PPM1A: variants seen among roughly 807,000 people sequenced by gnomAD.
PPM1A encodes the protein protein phosphatase 1A.
PPM1A carries 7 observed loss-of-function variants against 35.0 expected under a neutral mutation model. The observed-to-expected ratio is 0.20, with a 90% CI of 0.11 to 0.38. PPM1A has a LOEUF of 0.38. Among genes scored for constraint, PPM1A ranks in the 10% least tolerant of loss-of-function variants. The pLI is 1.00. For synonymous variants in PPM1A, 153 were observed against 167.3 expected, an observed-to-expected ratio of 0.91 and a Z score of 0.66; for missense variants, 239 against 467.8, an observed-to-expected ratio of 0.51 and a Z score of 4.51.
intron 1 of PPM1A, chr14:60,268,445 G>A (rs1884651941): frequency 1.1e-6 from 1 of 950,034 alleles, no homozygotes; most frequent in African/African-American, 1.8e-5. Context: ...GGTGAGTATA[G>A]CCTGTTTGGC....
chr14:60,286,010 T>A, intron 3 of PPM1A: 2 of 1,077,234 alleles, frequency 1.9e-6, no homozygotes, highest in Non-Finnish European at 2.3e-6. Context: ...TTGTGTGCTT[T>A]AAAATTCTTA....
intron 1 of PPM1A, among the ~76,000 whole-genome samples, chr14:60,250,744 G>C (rs920013271): frequency 2.0e-5 from 3 of 152,202 alleles, no homozygotes. Flanking sequence ...TTTCAAACTT[G>C]CACGTTGGGG....
intron 1 of PPM1A, among the ~76,000 whole-genome samples, chr14:60,254,936 C>A (rs896953832): frequency 3.3e-5 from 5 of 152,270 alleles, no homozygotes; most frequent in Non-Finnish European, 7.3e-5. Context: ...CAAACTAGTA[C>A]ACTTGCTATC....
At chr14:60,288,375 A>T in intron 3 of PPM1A, 1 of 982,328 alleles carries the variant, frequency 1.0e-6, no homozygotes, top group Non-Finnish European at 1.2e-6. Flanking sequence ...TATCCAAATA[A>T]TTGTATTGGC....
intron 1 of PPM1A, among the ~76,000 whole-genome samples, chr14:60,262,958 G>T (rs2139391225): frequency 6.6e-6 from 1 of 152,276 alleles, no homozygotes; most frequent in Non-Finnish European, 1.5e-5. Flanking sequence ...TGGGTGCGGT[G>T]GCTCACGCCT....
intron 1 of PPM1A, among the ~76,000 whole-genome samples, chr14:60,255,195 A>C (rs1298177769): frequency 7.8e-6 from 1 of 127,440 alleles, no homozygotes; most frequent in Non-Finnish European, 1.5e-5. Context: ...TTTTTGAGAC[A>C]GAGTCTCGCT....
chr14:60,286,020 A>T, intron 3 of PPM1A: 1 of 1,061,512 alleles, frequency 9.4e-7, no homozygotes. Context: ...TAAAATTCTT[A>T]ATGAATTCAC....
intron 2 of PPM1A, among the ~76,000 whole-genome samples, chr14:60,284,614 C>G (rs1229094321): frequency 6.7e-6 from 1 of 148,682 alleles, no homozygotes; most frequent in African/African-American, 2.5e-5. Flanking sequence ...TGCACTCCAG[C>G]CTGGGCGACA....
Position 60,292,485 on chromosome 14 carries a change from C to T in PPM1A, c.*3C>T, listed in dbSNP as rs762697559. 3 of 1,598,378 alleles carry T rather than the reference C, an allele frequency of 1.9e-6. No homozygotes were observed. The Admixed American group carries it at 5.0e-5, about 27-fold the overall frequency. On this transcript the variant is annotated 3_prime_UTR_variant, in exon 6 of 6. Transcript: ENST00000395076. The surrounding 1 kb of genome is among the most constrained non-coding windows in gnomAD (Gnocchi z 4.2). ...CATCAACAGATGATATGTGGTAAAA[C>T]TGCTCATCTAGCCATGGAGTTTACC...
At chr14:60,251,670 G>A (rs920368075) in intron 1 of PPM1A, among the ~76,000 whole-genome samples, 2 of 152,106 alleles carry the variant, frequency 1.3e-5, no homozygotes, top group African/African-American at 4.8e-5. Flanking sequence ...ATAAATGCCT[G>A]TTATGTGTCA....
At chr14:60,248,381 A>G (rs77295945), upstream of PPM1A, among the ~76,000 whole-genome samples, 545 of 152,354 alleles carry the variant, frequency 3.6e-3, 3 homozygotes, top group African/African-American at 0.012. Context: ...ATTATCTAAC[A>G]TGTGCAAATA....
At chr14:60,245,930 A>G, upstream of PPM1A, 1 of 1,582,628 alleles carries the variant, frequency 6.3e-7, no homozygotes, top group South Asian at 1.2e-5. This position sits in a 1 kb window ranked among gnomAD's most constrained non-coding sequence, Gnocchi z 4.2. Context: ...AGAATGGGGA[A>G]GAGAAGGGCA....
intron 3 of PPM1A, chr14:60,287,714 T>C: frequency 2.0e-6 from 2 of 985,266 alleles, no homozygotes; most frequent in Non-Finnish European, 2.4e-6. Context: ...TTTGTTCCCT[T>C]CTAAATACTT....
chr14:60,277,012 T>G (rs1239275825), intron 1 of PPM1A: 1 of 1,163,014 alleles, frequency 8.6e-7, no homozygotes, highest in Non-Finnish European at 1.1e-6. Context: ...TAGTACTTTG[T>G]TTTGAAAAGT....
At chr14:60,288,359 G>C (rs1887259583) in intron 3 of PPM1A, 1 of 976,954 alleles carries the variant, frequency 1.0e-6, no homozygotes, top group South Asian at 4.7e-5. Flanking sequence ...ATTGTATCTA[G>C]TTATCTATCC....
rs1888188379 is a variant in PPM1A at position 60,298,012 on chromosome 14, CTA to C, written c.*5531_*5532del. 6.6e-6 allele frequency: 1 copy of C among 151,294 alleles called. No homozygotes were observed. The highest frequency in any genetic ancestry group is 6.6e-5 in the Admixed American group (1 of 15,166). 9.4% of individuals were successfully genotyped at this position (151,294 alleles called of 1,614,324 possible). A position where few individuals can be genotyped will look rare whatever the true frequency, so the allele number is the denominator to read the frequency against. ...GTCTATTTTAAGGAATTGTTTCACT[CTA>C]GAGGTAGATAGGGGACCTGGCTAGA... On this transcript the variant is annotated 3_prime_UTR_variant, in exon 6 of 6. Coordinates refer to ENST00000395076, the MANE Select transcript of PPM1A (RefSeq NM_021003.5).
rs1472006748 is a variant in PPM1A, at chr14:60,292,107, C to T, written c.1120-346C>T. On this transcript the variant is annotated intron_variant, in intron 5 of 5. Coordinates refer to ENST00000395076, the MANE Select transcript of PPM1A (RefSeq NM_021003.5). The surrounding 1 kb of genome is among the most constrained non-coding windows in gnomAD (Gnocchi z 4.2). ...TCACATATTGAGTTCTTAATCTTTT[C>T]TGATGCATTAAAGGTTTATAAAAGT... 6.6e-6 allele frequency among the ~76,000 whole-genome samples: 1 copy of T among 151,952 alleles called. No homozygotes were observed.
At chr14:60,287,118 T>A in intron 3 of PPM1A, 5 of 942,230 alleles carry the variant, frequency 5.3e-6, no homozygotes, top group Non-Finnish European at 6.3e-6. Context: ...AAAGAAGTAA[T>A]AAGTATTTTA....
intron 1 of PPM1A, among the ~76,000 whole-genome samples, chr14:60,263,561 T>C (rs1595291969): frequency 1.3e-5 from 2 of 152,176 alleles, no homozygotes; most frequent in Admixed American, 6.5e-5. Context: ...ATATGCTTGT[T>C]ACATGGATAT....
Sources: allele counts gnomAD v4.1 joint callset (sites outside exome capture counted in the v4.1 genomes callset), GRCh38; gene constraint gnomAD v4.1.1; non-coding constraint Gnocchi (gnomAD v3.1); transcripts MANE v1.5; gene names NCBI Gene and HGNC (gene_info 2026-07-23, HGNC 2026-07-21).